The following KDM2B variants were observed in gnomAD, a reference collection of about 807,000 sequenced individuals.
KDM2B encodes lysine-specific demethylase 2B.
KDM2B carries 26 observed loss-of-function variants against 150.0 expected under a neutral mutation model. The ratio of observed to expected loss-of-function variants is 0.17; its 90% confidence interval spans 0.13 to 0.24. KDM2B has a LOEUF of 0.24. Ranked by LOEUF, KDM2B falls within the 10% of genes least tolerant of loss-of-function variation. KDM2B has a pLI of 1.00. For missense variants in KDM2B, 1,265 were observed against 1,816.9 expected (o/e 0.70, Z 5.52); for synonymous variants, 734 against 729.5 (o/e 1.01, Z -0.10).
chr12:121,503,013 T>C (rs1302538286), intron 11 of KDM2B, among the ~76,000 whole-genome samples: 2 of 150,340 alleles, frequency 1.3e-5, no homozygotes, highest in African/African-American at 4.9e-5. Flanking sequence ...GTTTTGCTCT[T>C]GTCACCCAGG....
chr12:121,503,720 C>A (rs74957684), intron 11 of KDM2B, among the ~76,000 whole-genome samples: 3,916 of 152,304 alleles, frequency 0.026, 161 homozygotes, highest in East Asian at 0.11. Context: ...CCAAAGCCAG[C>A]CTGGCTCACC....
Position 121,445,371 on chromosome 12 carries a change from C to G in KDM2B, c.2007G>C (p.Gly669=). 2 of 1,610,500 alleles carry G rather than the reference C, an allele frequency of 1.2e-6. No individual in the cohort carries two copies. Among genetic ancestry groups the G allele is most frequent in the Non-Finnish European group, 1.7e-6 (2 of 1,177,960 alleles). Residue 669 remains glycine, a synonymous_variant, in exon 14 of 23, where the codon GGG becomes GGC. Coordinates refer to ENST00000377071, the MANE Select transcript of KDM2B (RefSeq NM_032590.5). ...TAVCLVCGEA[G]KEDTVEEEEG... The stretch of plus-strand genomic sequence containing the variant: ...CCTCCTCTTCCACCGTGTCTTCCTT[C>G]CCCGCCTCGCCACACACAAGGCACA...
At chr12:121,544,811 G>A (rs1241607152) in intron 6 of KDM2B, among the ~76,000 whole-genome samples, 5 of 152,008 alleles carry the variant, frequency 3.3e-5, no homozygotes, top group Non-Finnish European at 5.9e-5. Context: ...TACTTGGGAG[G>A]CTGAGGCAGG....
At chr12:121,422,352 G>T in the KDM2B span, among the ~76,000 whole-genome samples, 1 of 152,286 alleles carries the variant, frequency 6.6e-6, no homozygotes, top group South Asian at 2.1e-4. Context: ...CAAGATACTG[G>T]CTCCTCTGCT....
Position 121,443,754 on chromosome 12 carries a change from G to C in KDM2B, c.2491C>G (p.Leu831Val), listed in dbSNP as rs782287689. Residue 831 changes from leucine (L) to valine (V), a missense_variant, in exon 17 of 23, where the codon CTC becomes GTC. Leu to Val is a conservative substitution (Grantham distance 32). Transcript: ENST00000377071. ...LQTSPGSSSH[L>V]SPRPPLGSSL... ...CTGCCTAGAGGGGGCCTCGGCGAGA[G>C]GTGAGAGGAGGAACCGGGGGACGTT... 108 of 1,610,334 alleles carry C rather than the reference G, an allele frequency of 6.7e-5. 1 individual carries two copies. In the South Asian group the frequency reaches 1.1e-3, roughly 17 times the overall value.
chr12:121,438,901 C>A (rs1392707204), intron 22 of KDM2B, among the ~76,000 whole-genome samples: 1 of 151,940 alleles, frequency 6.6e-6, no homozygotes, highest in African/African-American at 2.4e-5. Flanking sequence ...CAACACCCCC[C>A]AATCCAGACC....
chr12:121,410,980 G>A, the KDM2B span, among the ~76,000 whole-genome samples: 2 of 152,162 alleles, frequency 1.3e-5, no homozygotes, highest in African/African-American at 4.8e-5. Flanking sequence ...CGTCACCCAG[G>A]CTGGAGTGCG....
intron 8 of KDM2B, among the ~76,000 whole-genome samples, chr12:121,527,994 G>C (rs1555307099): frequency 6.6e-6 from 1 of 152,152 alleles, no homozygotes; most frequent in African/African-American, 2.4e-5. Flanking sequence ...CTATTCCCCG[G>C]GGGTGACTTC....
chr12:121,441,954 G>A (rs1875171799), intron 19 of KDM2B, among the ~76,000 whole-genome samples: 1 of 152,244 alleles, frequency 6.6e-6, no homozygotes. Flanking sequence ...TCACCCTCCA[G>A]GAAGCTAAAT....
Position 121,522,999 on chromosome 12 carries a change from T to C in KDM2B, c.932-1899A>G, listed in dbSNP as rs374109210. ...ACAGCTACTGCACTGCAATTCACAG[T>C]GGCCATACTGCAAGTGCTCAGGTGA... On this transcript the variant is annotated intron_variant, in intron 8 of 22. Transcript: ENST00000377071. 1.2e-4 allele frequency among the ~76,000 whole-genome samples: 18 copies of C among 152,338 alleles called. No homozygotes were observed. In the South Asian group the frequency reaches 3.7e-3, roughly 32 times the overall value.
At chr12:121,510,798 AT>A (rs34453887) in intron 10 of KDM2B, among the ~76,000 whole-genome samples, 10 of 25,370 alleles carry the variant, frequency 3.9e-4, no homozygotes, top group East Asian at 1.1e-3. Context: ...GTCTCAAAAA[AT>A]AATAATAATA....
At chr12:121,570,648 T>C (rs1239237435) in intron 4 of KDM2B, among the ~76,000 whole-genome samples, 2 of 152,152 alleles carry the variant, frequency 1.3e-5, no homozygotes, top group Non-Finnish European at 2.9e-5. Flanking sequence ...AGCATGGCTA[T>C]CGTCAAAGAG....
chr12:121,505,355 G>A (rs1172256824), intron 11 of KDM2B, among the ~76,000 whole-genome samples: 5 of 151,250 alleles, frequency 3.3e-5, no homozygotes, highest in Non-Finnish European at 5.9e-5. Flanking sequence ...TGGTTAAAAT[G>A]GTAAATTGTG....
At chr12:121,447,135 T>C (rs1355767357) in intron 13 of KDM2B, among the ~76,000 whole-genome samples, 1 of 152,204 alleles carries the variant, frequency 6.6e-6, no homozygotes, top group African/African-American at 2.4e-5. Context: ...TACTCCTCCC[T>C]TTTCCAAGTA....
chr12:121,475,885 CA>C (rs1350306473), intron 12 of KDM2B, among the ~76,000 whole-genome samples: 5 of 151,570 alleles, frequency 3.3e-5, no homozygotes, highest in African/African-American at 7.3e-5. Context: ...GATTTTAGGC[CA>C]GGGGCAGTGG....
intron 22 of KDM2B, among the ~76,000 whole-genome samples, chr12:121,431,621 T>C (rs1056665877): frequency 6.6e-6 from 1 of 152,136 alleles, no homozygotes; most frequent in Non-Finnish European, 1.5e-5. Flanking sequence ...TGGTGTAAAG[T>C]AGTAAAGTCA....
intron 12 of KDM2B, chr12:121,494,361 A>G: frequency 2.1e-6 from 1 of 479,020 alleles, no homozygotes; most frequent in Non-Finnish European, 3.7e-6. Flanking sequence ...TTTCCAAGTG[A>G]CCACCAGGCG....
At chr12:121,534,877 T>C (rs1351508553) in intron 6 of KDM2B, among the ~76,000 whole-genome samples, 1 of 152,112 alleles carries the variant, frequency 6.6e-6, no homozygotes, top group African/African-American at 2.4e-5. Context: ...CAGACCACTT[T>C]ACAGGTTCCT....
rs149029531 is a variant in KDM2B at position 121,517,623 on chromosome 12, C to T, written c.1047+3362G>A. On this transcript the variant is annotated intron_variant, in intron 9 of 22. Coordinates refer to ENST00000377071, the MANE Select transcript of KDM2B (RefSeq NM_032590.5). ...AGCTGGGACTACAGGCATGAACCAC[C>T]ATGCCTGGCTAATTTTTGTATTTTT... 4.6e-4 allele frequency among the ~76,000 whole-genome samples: 70 copies of T among 152,104 alleles called. 3 individuals are homozygous for T. The East Asian group carries it at 0.013, about 29-fold the overall frequency.
Sources: gnomAD v4.1 joint callset for allele counts (sites outside exome capture counted in the v4.1 genomes callset) on GRCh38, gnomAD v4.1.1 for gene constraint, MANE v1.5 for transcripts, NCBI Gene and HGNC (gene_info 2026-07-23, HGNC 2026-07-21) for gene names.